PTPRD: variants seen among roughly 807,000 people sequenced by gnomAD.
PTPRD encodes the protein protein tyrosine phosphatase receptor type D.
In PTPRD, 34 loss-of-function variants were observed where a neutral mutation model predicts 214.5. That is an observed-to-expected ratio of 0.16 (90% CI 0.12 to 0.21). PTPRD has a LOEUF of 0.21. Among genes scored for constraint, PTPRD ranks in the 10% least tolerant of loss-of-function variants. PTPRD has a pLI of 1.00. For synonymous variants in PTPRD, 1,128 were observed against 845.7 expected (o/e 1.33, Z -5.79); for missense variants, 2,545 against 2,398.7 (o/e 1.06, Z -1.27).
intron 3 of PTPRD, among the ~76,000 whole-genome samples, chr9:10,184,607 G>A (rs908710642): frequency 5.1e-4 from 77 of 152,096 alleles, no homozygotes; most frequent in African/African-American, 1.8e-3. Context: ...TTTAAATAAA[G>A]GTTTTGGTGA....
intron 11 of PTPRD, among the ~76,000 whole-genome samples, chr9:8,927,949 T>C (rs1460029767): frequency 1.3e-5 from 2 of 152,248 alleles, no homozygotes; most frequent in Non-Finnish European, 2.9e-5. Flanking sequence ...TGCATTTCTC[T>C]AATGACCAGT....
intron 11 of PTPRD, among the ~76,000 whole-genome samples, chr9:8,853,457 A>G (rs1038124219): frequency 2.0e-5 from 3 of 152,212 alleles, no homozygotes; most frequent in African/African-American, 7.2e-5. Context: ...GTGGAAACAG[A>G]TGTAAGCCAA....
intron 9 of PTPRD, among the ~76,000 whole-genome samples, chr9:9,392,115 G>T (rs2066046715): frequency 6.6e-6 from 1 of 152,122 alleles, no homozygotes; most frequent in East Asian, 1.9e-4. Flanking sequence ...AAGCAGTGAG[G>T]CAAAACTCGT....
chr9:10,167,391 CCTTTCACTTATT>C (rs2099165886), intron 3 of PTPRD, among the ~76,000 whole-genome samples: 1 of 151,930 alleles, frequency 6.6e-6, no homozygotes, highest in Non-Finnish European at 1.5e-5. Flanking sequence ...GTGCACATTC[CCTTTCACTTATT>C]CTTCTTGAGG....
intron 11 of PTPRD, among the ~76,000 whole-genome samples, chr9:8,864,802 G>A (rs2098166993): frequency 6.6e-6 from 1 of 152,154 alleles, no homozygotes; most frequent in Non-Finnish European, 1.5e-5. Context: ...GTGTTTCCTT[G>A]TGCATTCAGT....
At chr9:10,335,407 A>G (rs1395528834) in intron 3 of PTPRD, among the ~76,000 whole-genome samples, 2 of 151,768 alleles carry the variant, frequency 1.3e-5, no homozygotes, top group Non-Finnish European at 2.9e-5. Flanking sequence ...TGAAAAAATG[A>G]ATCTACTCAC....
At chr9:8,644,828 C>T (rs1388601369) in intron 12 of PTPRD, among the ~76,000 whole-genome samples, 1 of 152,232 alleles carries the variant, frequency 6.6e-6, no homozygotes, top group East Asian at 1.9e-4. Flanking sequence ...CCATGCCTGA[C>T]TCGCAGTCTC....
intron 5 of PTPRD, among the ~76,000 whole-genome samples, chr9:9,768,617 C>A (rs1317974695): frequency 6.6e-6 from 1 of 151,988 alleles, no homozygotes; most frequent in East Asian, 1.9e-4. Flanking sequence ...TTAAATTCTT[C>A]CTAATAGCTA....
intron 3 of PTPRD, among the ~76,000 whole-genome samples, chr9:10,265,079 A>G (rs1180267532): frequency 6.6e-6 from 1 of 152,080 alleles, no homozygotes; most frequent in African/African-American, 2.4e-5. Context: ...ATTTTTCTTT[A>G]TAAATTACTC....
chr9:10,279,053 C>A (rs953147291), intron 3 of PTPRD, among the ~76,000 whole-genome samples: 1 of 152,106 alleles, frequency 6.6e-6, no homozygotes, highest in African/African-American at 2.4e-5. Flanking sequence ...GGCTCACAGG[C>A]CTGAGCCACC....
At chr9:8,626,019 A>C (rs186947290) in intron 14 of PTPRD, among the ~76,000 whole-genome samples, 1 of 151,854 alleles carries the variant, frequency 6.6e-6, no homozygotes, top group African/African-American at 2.4e-5. Flanking sequence ...CTAAGGAGAT[A>C]CGTAATTAGG....
chr9:10,027,382 A>T (rs2096945064), intron 4 of PTPRD, among the ~76,000 whole-genome samples: 1 of 152,218 alleles, frequency 6.6e-6, no homozygotes, highest in Non-Finnish European at 1.5e-5. Context: ...TGTCAGGGAA[A>T]CAAAGATTCC....
chr9:10,069,351 G>A (rs1206395820), intron 3 of PTPRD, among the ~76,000 whole-genome samples: 3 of 151,980 alleles, frequency 2.0e-5, no homozygotes, highest in African/African-American at 7.2e-5. Flanking sequence ...CCAGGAGTGT[G>A]AGCACCTGCA....
At chr9:10,156,073 A>C (rs1592641789) in intron 3 of PTPRD, among the ~76,000 whole-genome samples, 1 of 83,716 alleles carries the variant, frequency 1.2e-5, no homozygotes. Flanking sequence ...TGCTCTTTTG[A>C]ATGTTTGTGT....
chr9:9,931,954 C>A (rs1431158954), intron 5 of PTPRD, among the ~76,000 whole-genome samples: 1 of 151,768 alleles, frequency 6.6e-6, no homozygotes, highest in Admixed American at 6.6e-5. Flanking sequence ...GAGGCACCCC[C>A]CAGCAGGGGC....
At chr9:9,352,737 A>G (rs2051920640) in intron 9 of PTPRD, among the ~76,000 whole-genome samples, 1 of 151,990 alleles carries the variant, frequency 6.6e-6, no homozygotes, top group African/African-American at 2.4e-5. Context: ...TTACAGTACC[A>G]TAGTCTCAGA....
chr9:9,452,951 T>C (rs1184092264), intron 8 of PTPRD, among the ~76,000 whole-genome samples: 1 of 151,362 alleles, frequency 6.6e-6, no homozygotes, highest in African/African-American at 2.4e-5. Context: ...CTCCCTCTTT[T>C]GAATCTGGAC....
At chr9:8,959,402 A>G (rs2099147751) in intron 11 of PTPRD, among the ~76,000 whole-genome samples, 1 of 152,008 alleles carries the variant, frequency 6.6e-6, no homozygotes, top group African/African-American at 2.4e-5. Flanking sequence ...GAAAGAAGAA[A>G]TAATACATGT....
intron 7 of PTPRD, among the ~76,000 whole-genome samples, chr9:9,590,855 G>A (rs886820605): frequency 6.6e-6 from 1 of 152,006 alleles, no homozygotes; most frequent in African/African-American, 2.4e-5. Flanking sequence ...TCTTTCTCAC[G>A]TATGTGGCAC....
Sources: gnomAD v4.1 joint callset for allele counts (sites outside exome capture counted in the v4.1 genomes callset) on GRCh38, gnomAD v4.1.1 for gene constraint, MANE v1.5 for transcripts, NCBI Gene and HGNC (gene_info 2026-07-23, HGNC 2026-07-21) for gene names.